Variants in CAGE1 observed in about 807,000 individuals in gnomAD.
The protein encoded by CAGE1 is cancer antigen 1, also known as cancer-associated gene 1 protein.
Under a neutral mutation model 94.9 loss-of-function variants are expected in CAGE1, and 66 were observed. The observed-to-expected ratio is 0.70, with a 90% CI of 0.57 to 0.85. The LOEUF is 0.85. CAGE1 is among the 40% of genes least tolerant of loss of function. CAGE1 has a pLI of 0.00. For missense variants in CAGE1, 865 were observed against 950.4 expected (o/e 0.91, Z 1.18); for synonymous variants, 319 against 321.0 (o/e 0.99, Z 0.07).
chr6:7,388,661 C>G lies in CAGE1; in HGVS notation c.-24+541G>C, dbSNP rs78580479. On this transcript the variant is annotated intron_variant, in intron 1 of 13. Coordinates refer to ENST00000502583, the MANE Select transcript of CAGE1 (RefSeq NM_001170692.2). ...TAGTCATTACTCATCTGCCTGGATTCTTTTATTGAATTTCTGAATGAATAG... is the reference window on the plus strand; with the variant it reads ...TAGTCATTACTCATCTGCCTGGATTGTTTTATTGAATTTCTGAATGAATAG... Among the ~76,000 whole-genome samples the G allele has an allele frequency of 3.1e-4, 47 of 152,296 alleles. No individual in the cohort carries two copies. In the East Asian group the frequency reaches 8.7e-3, roughly 28 times the overall value.
At chr6:7,358,791 G>C (rs1760069479) in intron 9 of CAGE1, among the ~76,000 whole-genome samples, 1 of 152,172 alleles carries the variant, frequency 6.6e-6, no homozygotes, top group Admixed American at 6.5e-5. Flanking sequence ...CTACACTTCA[G>C]CCTGGGTGAC....
intron 1 of CAGE1, 70 bp downstream of exon 1, chr6:7,389,129 AGGT>A: frequency 2.6e-6 from 1 of 383,598 alleles, no homozygotes; most frequent in East Asian, 7.2e-5. Flanking sequence ...GAGTTAAAAG[AGGT>A]GTCACGGGAG....
Position 7,339,046 on chromosome 6 carries a change from C to T in CAGE1, c.2370-4956G>A, listed in dbSNP as rs551810733. ...CCCAGCACACTCTGTCTGAGCAACA[C>T]ATGGCGCACAGCAGTGTCAACGTAG... On this transcript the variant is annotated intron_variant, in intron 11 of 13. Transcript: ENST00000502583. This position sits in a 1 kb window ranked among gnomAD's most constrained non-coding sequence, Gnocchi z 4.7. 6.2e-7 allele frequency: 1 copy of T among 1,606,070 alleles called. No homozygotes were observed. The highest frequency in any genetic ancestry group is 1.3e-5 in the African/African-American group (1 of 74,812).
At chr6:7,336,944 T>C (rs986372757) in intron 11 of CAGE1, among the ~76,000 whole-genome samples, 2 of 152,226 alleles carry the variant, frequency 1.3e-5, no homozygotes, top group African/African-American at 4.8e-5. Context: ...TACATCTGGA[T>C]AGAAGTTCTT....
intron 11 of CAGE1, among the ~76,000 whole-genome samples, chr6:7,336,623 C>T (rs560908546): frequency 2.0e-5 from 3 of 152,306 alleles, no homozygotes; most frequent in East Asian, 3.9e-4. Context: ...GATTCTCATG[C>T]CTCAGCTTCC....
At chr6:7,328,206 A>G (rs1338236712) in intron 13 of CAGE1, among the ~76,000 whole-genome samples, 1 of 152,060 alleles carries the variant, frequency 6.6e-6, no homozygotes, top group Non-Finnish European at 1.5e-5. Context: ...TCTAACATTC[A>G]CTCCTATTTA....
chr6:7,368,826 T>A (rs1464173924), intron 6 of CAGE1, 28 bp from the exon 7 acceptor site: 7 of 1,416,496 alleles, frequency 4.9e-6, no homozygotes, highest in Non-Finnish European at 5.7e-6. Flanking sequence ...AGAAGCTAGA[T>A]GAAAAAGTTT....
At chr6:7,333,642 CTATATATATATATATATATA>C (rs773887819) in intron 12 of CAGE1, among the ~76,000 whole-genome samples, 1 of 121,504 alleles carries the variant, frequency 8.2e-6, no homozygotes, top group Non-Finnish European at 1.7e-5. Context: ...ATCTAACTAT[CTATATATATATATATATATA>C]TATATATATA....
intron 7 of CAGE1, among the ~76,000 whole-genome samples, chr6:7,368,298 C>T (rs1260503167): frequency 2.8e-5 from 4 of 143,566 alleles, no homozygotes; most frequent in African/African-American, 1.0e-4. Flanking sequence ...TAACTAAAGA[C>T]AATCCAAGAA....
At position 7,362,296 on chromosome 6, in the gene CAGE1, A is replaced by G. The variant is rs1008163503; in HGVS notation, c.2193+3172T>C. ...AGATATCTTATTTGTATTAAAAGTT[A>G]TCTATTTTACTGAAGATGGGATCTA... On this transcript the variant is annotated intron_variant, in intron 9 of 13. Transcript: ENST00000502583. The surrounding 1 kb of genome is among the most constrained non-coding windows in gnomAD (Gnocchi z 4.1). Among the ~76,000 whole-genome samples, 20 of 152,256 alleles carry G rather than the reference A, an allele frequency of 1.3e-4. No homozygotes were observed. Among genetic ancestry groups the G allele is most frequent in the African/African-American group, 2.4e-5 (1 of 41,482 alleles).
rs529433876 is a variant in CAGE1 at position 7,383,924 on chromosome 6, TTTG to T, written c.283+1858_283+1860del. Among the ~76,000 whole-genome samples, 509 of 152,310 alleles carry T rather than the reference TTTG, an allele frequency of 3.3e-3. 3 individuals carry two copies. The highest frequency in any genetic ancestry group is 0.012 in the African/African-American group (480 of 41,580). On this transcript the variant is annotated intron_variant, in intron 3 of 13. Transcript: ENST00000502583. ...AGTTTTTAAGAATTACTGTTTTACA[TTTG>T]TTGTTGCTAGTGCATTGAATGCTAT...
chr6:7,341,384 G>T, intron 11 of CAGE1: 1 of 801,522 alleles, frequency 1.2e-6, no homozygotes, highest in South Asian at 1.3e-5. Flanking sequence ...TCATGCTTAG[G>T]ACACTGTGGA....
intron 10 of CAGE1, 108 bp downstream of exon 10, chr6:7,355,917 T>A: frequency 1.6e-6 from 1 of 630,198 alleles, no homozygotes; most frequent in South Asian, 1.9e-5. Context: ...GCAAGGAGGC[T>A]TGCTTGAGCC....
At chr6:7,331,423 T>C in intron 12 of CAGE1, 1 of 575,154 alleles carries the variant, frequency 1.7e-6, no homozygotes. Context: ...ATGATAAGGC[T>C]ACCAAAGACT....
At chr6:7,335,824 G>T (rs577935326) in intron 11 of CAGE1, among the ~76,000 whole-genome samples, 55 of 152,240 alleles carry the variant, frequency 3.6e-4, no homozygotes, top group African/African-American at 1.3e-3. Flanking sequence ...CTATCTTCCC[G>T]CCTCAGCCTC....
chr6:7,385,368 T>C (rs139891562), intron 3 of CAGE1, among the ~76,000 whole-genome samples: 234 of 151,574 alleles, frequency 1.5e-3, no homozygotes, highest in Middle Eastern at 0.014. Flanking sequence ...AGTGACATGA[T>C]CATAGCTCAT....
chr6:7,348,324 A>G (rs1367042712), intron 11 of CAGE1, among the ~76,000 whole-genome samples: 1 of 152,164 alleles, frequency 6.6e-6, no homozygotes, highest in East Asian at 1.9e-4. Flanking sequence ...AAGAAAGGTA[A>G]CAATCACTGC....
At position 7,358,025 on chromosome 6, in the gene CAGE1, G is replaced by GAAATATATATATATAT. The variant is rs1491488344; in HGVS notation, c.2194-1897_2194-1896insATATATATATATATTT. Among the ~76,000 whole-genome samples, 12 of 20,292 alleles carry GAAATATATATATATAT rather than the reference G, an allele frequency of 5.9e-4. 1 individual carries two copies. Among genetic ancestry groups the GAAATATATATATATAT allele is most frequent in the South Asian group, 2.3e-3 (1 of 434 alleles). The allele number at this position is 20,292 out of a possible 152,430, so 13.3% of individuals were successfully genotyped here. A position where few individuals can be genotyped will look rare whatever the true frequency, so the allele number is the denominator to read the frequency against. On this transcript the variant is annotated intron_variant, in intron 9 of 13. Transcript: ENST00000502583. Reference sequence around the variant, plus strand: ...GCCAGACTGCGGTTAGGTAAGTTTTGAGATATATATATATATATATATATA... The same window carrying GAAATATATATATATAT: ...GCCAGACTGCGGTTAGGTAAGTTTTGAAATATATATATATATAGATATATATATATATATATATATA...
intron 5 of CAGE1, 103 bp from the exon 6 acceptor site, chr6:7,370,168 A>G (rs936296349): frequency 3.8e-5 from 28 of 733,330 alleles, no homozygotes; most frequent in South Asian, 1.6e-4. Flanking sequence ...ACCTTGGGCG[A>G]CAGTTCTCAA....
Sources: gnomAD v4.1 joint callset for allele counts (sites outside exome capture counted in the v4.1 genomes callset) on GRCh38, gnomAD v4.1.1 for gene constraint, Gnocchi (gnomAD v3.1) non-coding constraint, MANE v1.5 for transcripts, NCBI Gene and HGNC (gene_info 2026-07-23, HGNC 2026-07-21) for gene names.